The following PHIP variants were observed in gnomAD, a reference collection of about 807,000 sequenced individuals.
The protein encoded by PHIP is PH-interacting protein.
PHIP carries 54 observed loss-of-function variants against 236.8 expected under a neutral mutation model. The ratio of observed to expected loss-of-function variants is 0.23; its 90% CI spans 0.18 to 0.29. The LOEUF (loss-of-function observed/expected upper bound fraction) is 0.29, where lower values mean the gene tolerates loss of function less well. Among genes scored for constraint, PHIP ranks in the 10% least tolerant of loss-of-function variants. PHIP has a pLI of 1.00. For synonymous variants in PHIP, 756 were observed against 718.9 expected (o/e 1.05, Z -0.83); for missense variants, 1,370 against 2,190.8 (o/e 0.63, Z 7.48).
intron 7 of PHIP, among the ~76,000 whole-genome samples, chr6:79,029,395 A>G (rs1365132344): frequency 6.6e-6 from 1 of 152,212 alleles, no homozygotes; most frequent in Non-Finnish European, 1.5e-5. Flanking sequence ...CATGAATTCA[A>G]TGAAACTCTT....
At chr6:79,002,750 A>C (rs1316584126) in intron 16 of PHIP, among the ~76,000 whole-genome samples, 3 of 152,122 alleles carry the variant, frequency 2.0e-5, no homozygotes, top group Non-Finnish European at 4.4e-5. Context: ...TTAAATGGTA[A>C]CATCAAATCT....
chr6:79,061,934 G>T (rs1773401593), intron 4 of PHIP, among the ~76,000 whole-genome samples: 1 of 151,996 alleles, frequency 6.6e-6, no homozygotes, highest in Non-Finnish European at 1.5e-5. Context: ...TGTTTTTAAA[G>T]GTAGCTAATA....
At position 78,940,950 on chromosome 6, in the gene PHIP, C is replaced by T. The variant is rs1026763161; in HGVS notation, c.5209G>A (p.Val1737Met). The T allele has an allele frequency of 7.4e-6, 12 of 1,613,934 alleles. No individual in the cohort carries two copies. Among genetic ancestry groups the T allele is most frequent in the Non-Finnish European group, 1.0e-5 (12 of 1,179,970 alleles). Residue 1737 changes from valine (V) to methionine (M), a missense_variant, in exon 40 of 40, where the codon GTG (valine) becomes ATG (methionine). Around this residue, in one of 14 missense-constraint regions of PHIP, gnomAD observed 309 missense variants for 328.3 expected, o/e 0.94. Transcript: ENST00000275034. ...TTTTTTCGGTTACTTCTCCTTAACA[C>T]TTTGACACTTGCAGGGACTAGGAGA... ...ADLLVPASVK[V>M]LRRSNRKKID...
At chr6:79,035,474 C>G (rs187604988) in intron 7 of PHIP, among the ~76,000 whole-genome samples, 3 of 152,158 alleles carry the variant, frequency 2.0e-5, no homozygotes, top group Admixed American at 1.3e-4. Context: ...AAAAGAGAGG[C>G]ATAAATTATA....
In PHIP at chr6:78,946,926, T is replaced by C. The variant is rs189569036; in HGVS notation, c.4207-52A>G. ...ACCATTCCTTGGAGGAAAATACCTT[T>C]GTTCAGTAAATACTGTAATGTAAAT... On this transcript the variant is annotated intron_variant, in intron 36 of 39. Transcript: ENST00000275034. 877 of 1,137,290 alleles carry C rather than the reference T, an allele frequency of 7.7e-4. 11 individuals carry two copies. The highest frequency in any genetic ancestry group is 6.6e-3 in the Admixed American group (246 of 37,196). The allele number at this position is 1,137,290 out of a possible 1,614,324, so 70.4% of individuals were successfully genotyped here.
chr6:78,970,756 A>C (rs1767479395), intron 25 of PHIP, 25 bp downstream of exon 25: 1 of 1,408,330 alleles, frequency 7.1e-7, no homozygotes, highest in Non-Finnish European at 9.9e-7. Flanking sequence ...TTTTGGGGCT[A>C]TTAAATAATA....
intron 6 of PHIP, among the ~76,000 whole-genome samples, chr6:79,053,243 G>A (rs2127767198): frequency 6.6e-6 from 1 of 152,300 alleles, no homozygotes; most frequent in Admixed American, 6.5e-5. Context: ...GAACCTGGGA[G>A]GAGCAAGTTG....
Position 79,036,921 on chromosome 6 carries a change from C to CAAAA in PHIP, c.600+5918_600+5921dup, listed in dbSNP as rs34875528. On this transcript the variant is annotated intron_variant, in intron 7 of 39. Coordinates refer to ENST00000275034, the MANE Select transcript of PHIP (RefSeq NM_017934.7). Reference sequence around the variant, plus strand: ...TAGGTGACAGAGCAAGACTCCGTCTCAAAAAAAAAAAAAAAAAAAAAAAAA... The same window carrying CAAAA: ...TAGGTGACAGAGCAAGACTCCGTCTCAAAAAAAAAAAAAAAAAAAAAAAAAAAAA... Among the ~76,000 whole-genome samples the CAAAA allele has an allele frequency of 1.7e-3, 65 of 38,848 alleles. 1 individual carries two copies. Among genetic ancestry groups the CAAAA allele is most frequent in the Admixed American group, 2.6e-3 (7 of 2,744 alleles). The allele number at this position is 38,848 out of a possible 152,430, so 25.5% of individuals were successfully genotyped here.
At position 79,018,029 on chromosome 6, in the gene PHIP, T is replaced by TTTGTTTTGTAGCATATTCATTCTA. The variant is rs1562182761; in HGVS notation, c.995-447_995-446insTAGAATGAATATGCTACAAAACAA. Among the ~76,000 whole-genome samples, 3 of 152,046 alleles carry TTTGTTTTGTAGCATATTCATTCTA rather than the reference T, an allele frequency of 2.0e-5. No individual in the cohort carries two copies. The East Asian group carries it at 5.8e-4, about 29-fold the overall frequency. On this transcript the variant is annotated intron_variant, in intron 10 of 39. Coordinates refer to ENST00000275034, the MANE Select transcript of PHIP (RefSeq NM_017934.7). ...TAAATGAGGCTGCTCTCTTCAGAAC[T>TTTGTTTTGTAGCATATTCATTCTA]CCCCTAAGACTTTGTTTTGTAGCAT...
At chr6:78,981,837 G>C (rs1582162552) in intron 23 of PHIP, among the ~76,000 whole-genome samples, 1 of 151,974 alleles carries the variant, frequency 6.6e-6, no homozygotes, top group Non-Finnish European at 1.5e-5. Context: ...AAAAGAAAAT[G>C]TGTGGGTAAA....
chr6:79,068,294 C>G (rs1215768423), intron 4 of PHIP, among the ~76,000 whole-genome samples: 1 of 152,142 alleles, frequency 6.6e-6, no homozygotes. Flanking sequence ...GAAACCCCGT[C>G]TCTACCAAAA....
rs113739532 is a variant in PHIP, at chr6:78,988,137, C to A, written c.2460+72G>T. On this transcript the variant is annotated intron_variant, in intron 21 of 39. Coordinates refer to ENST00000275034, the MANE Select transcript of PHIP (RefSeq NM_017934.7). ...ACATCTACAAACATATCAATAAATG[C>A]GAAGAATGAAACTCATATTTAAAAA... is the stretch of plus-strand genomic sequence containing the variant. The A allele has an allele frequency of 8.2e-6, 9 of 1,100,186 alleles. No homozygotes were observed. In the African/African-American group the frequency reaches 1.5e-4, roughly 18 times the overall value. The allele number at this position is 1,100,186 out of a possible 1,614,324, so 68.2% of individuals were successfully genotyped here. A position where few individuals can be genotyped will look rare whatever the true frequency, so the allele number is the denominator to read the frequency against.
chr6:78,985,971 A>G (rs1768841921), intron 21 of PHIP, among the ~76,000 whole-genome samples: 1 of 152,222 alleles, frequency 6.6e-6, no homozygotes, highest in Non-Finnish European at 1.5e-5. Flanking sequence ...ATTCAGAGCA[A>G]TCCTACAGAT....
chr6:78,997,442 C>T lies in PHIP; in HGVS notation c.2173G>A (p.Val725Ile). Residue 725 changes from valine (V) to isoleucine (I), a missense_variant, in exon 19 of 40, where the codon GTA (valine) becomes ATA (isoleucine). Coordinates refer to ENST00000275034, the MANE Select transcript of PHIP (RefSeq NM_017934.7). The part of the protein sequence containing the change: ...DLVAWSRRVV[V>I]PELSAGVASR... ...GCTACACCAGCTGATAGCTCGGGTA[C>T]TACCACCCTTCGACTCCAAGCTACC... The T allele has an allele frequency of 1.2e-6, 2 of 1,613,928 alleles. No individual in the cohort carries two copies. The highest frequency in any genetic ancestry group is 1.7e-6 in the Non-Finnish European group (2 of 1,179,910).
chr6:79,029,504 A>G (rs1412746592), intron 7 of PHIP, among the ~76,000 whole-genome samples: 1 of 152,190 alleles, frequency 6.6e-6, no homozygotes, highest in Non-Finnish European at 1.5e-5. Context: ...TTAAAGCACT[A>G]TAAATGTGTT....
At position 78,939,048 on chromosome 6, in the gene PHIP, A is replaced by G. The variant is rs1773371849; in HGVS notation, c.*1645T>C. On this transcript the variant is annotated 3_prime_UTR_variant, in exon 40 of 40. Transcript: ENST00000275034. ...AATTTTGATTACATTTTTGTACCAT[A>G]CCAGTCCTCAGAAAATACTACATTC... 1 of 151,750 alleles carries G rather than the reference A, an allele frequency of 6.6e-6. No individual in the cohort carries two copies. Among genetic ancestry groups the G allele is most frequent in the Admixed American group, 6.6e-5 (1 of 15,236 alleles). The allele number at this position is 151,750 out of a possible 1,614,324, so 9.4% of individuals were successfully genotyped here.
intron 36 of PHIP, 88 bp downstream of exon 36, chr6:78,947,535 C>A (rs966988872): frequency 1.9e-5 from 12 of 637,022 alleles, no homozygotes; most frequent in Non-Finnish European, 2.9e-5. Flanking sequence ...TTAACTTTGA[C>A]CTAAATTTTA....
chr6:79,057,457 C>T (rs1029301285), intron 6 of PHIP, among the ~76,000 whole-genome samples: 3 of 152,078 alleles, frequency 2.0e-5, no homozygotes, highest in African/African-American at 7.2e-5. Context: ...TATACAGGAG[C>T]TCTTTAAACC....
intron 6 of PHIP, among the ~76,000 whole-genome samples, chr6:79,048,616 G>A (rs895252942): frequency 6.6e-6 from 1 of 152,054 alleles, no homozygotes; most frequent in African/African-American, 2.4e-5. Context: ...TAAAAAAGAT[G>A]ACTTGGAAAA....
Sources: allele counts gnomAD v4.1 joint callset (sites outside exome capture counted in the v4.1 genomes callset), GRCh38; gene constraint gnomAD v4.1.1; regional missense constraint gnomAD v4.1.1; transcripts MANE v1.5; gene names NCBI Gene and HGNC (gene_info 2026-07-23, HGNC 2026-07-21).